Variants in B3GLCT observed in about 807,000 individuals in gnomAD.
The protein encoded by B3GLCT is beta 3-glucosyltransferase, also known as beta-1,3-glucosyltransferase.
A neutral mutation model predicts 63.4 loss-of-function variants in B3GLCT; 65 were observed. The observed-to-expected ratio is 1.03, with a 90% confidence interval of 0.84 to 1.26. The LOEUF is 1.26. Ranked by LOEUF, B3GLCT falls within the 50% of genes most tolerant of loss-of-function variation. The pLI is 0.00. For missense variants in B3GLCT, 577 were observed against 604.8 expected, an observed-to-expected ratio of 0.95 and a Z score of 0.48; for synonymous variants, 233 against 219.2, an observed-to-expected ratio of 1.06 and a Z score of -0.55.
At chr13:31,241,831 ACT>A (rs1221996759) in intron 4 of B3GLCT, among the ~76,000 whole-genome samples, 2 of 152,128 alleles carry the variant, frequency 1.3e-5, no homozygotes, top group South Asian at 4.2e-4. Flanking sequence ...AGGATGAGCT[ACT>A]CTCAGCTAAG....
At chr13:31,287,961 A>T (rs1043170576) in intron 12 of B3GLCT, among the ~76,000 whole-genome samples, 52 of 152,248 alleles carry the variant, frequency 3.4e-4, no homozygotes, top group African/African-American at 1.2e-3. Flanking sequence ...AAACACAAAG[A>T]TAAAAAATAA....
chr13:31,229,127 G>T, intron 3 of B3GLCT, 58 bp from the exon 4 acceptor site: 1 of 1,153,880 alleles, frequency 8.7e-7, no homozygotes, highest in Non-Finnish European at 1.3e-6. Flanking sequence ...TTGTTTTCAA[G>T]TTTATTTTAA....
chr13:31,215,101 G>T lies in B3GLCT; in HGVS notation c.120+1G>T. The T allele has an allele frequency of 6.2e-7, 1 of 1,610,460 alleles. No homozygotes were observed. ...AAAGAAAGAGGTCAAGCAGTCTCAG[G>T]TACTAATCCCAATGATCAAATCTTT... is the stretch of plus-strand genomic sequence containing the variant. On this transcript the variant is annotated splice_donor_variant, in intron 2 of 14. Coordinates refer to ENST00000343307, the MANE Select transcript of B3GLCT (RefSeq NM_194318.4). LOFTEE classifies it high-confidence loss of function.
intron 12 of B3GLCT, among the ~76,000 whole-genome samples, chr13:31,302,073 C>T (rs1024192309): frequency 1.3e-5 from 2 of 152,136 alleles, no homozygotes; most frequent in African/African-American, 2.4e-5. Flanking sequence ...TTTGACTCTC[C>T]CCTCTCCCCT....
intron 3 of B3GLCT, among the ~76,000 whole-genome samples, chr13:31,223,622 CT>C (rs1409633086): frequency 6.6e-6 from 1 of 152,162 alleles, no homozygotes; most frequent in Non-Finnish European, 1.5e-5. Context: ...AGGAGTTAGA[CT>C]TTAAAAAAAA....
intron 6 of B3GLCT, among the ~76,000 whole-genome samples, chr13:31,254,920 CCAGCTA>C (rs1395012806): frequency 6.6e-6 from 1 of 151,802 alleles, no homozygotes; most frequent in African/African-American, 2.4e-5. Context: ...GCCCATAATC[CCAGCTA>C]CTCGGGAGGC....
At chr13:31,259,122 G>A (rs1566067140) in intron 6 of B3GLCT, among the ~76,000 whole-genome samples, 1 of 152,092 alleles carries the variant, frequency 6.6e-6, no homozygotes, top group Non-Finnish European at 1.5e-5. Context: ...TTTATAAATT[G>A]TAGTTCTTTG....
At chr13:31,314,453 G>A (rs1227743339) in intron 12 of B3GLCT, among the ~76,000 whole-genome samples, 3 of 152,194 alleles carry the variant, frequency 2.0e-5, no homozygotes, top group Non-Finnish European at 4.4e-5. Flanking sequence ...GGAGTCAAAG[G>A]AGATCCTTTT....
At position 31,331,686 on chromosome 13, in the gene B3GLCT, A is replaced by C. The variant is rs915137488; in HGVS notation, c.*2018A>C. 3 of 152,234 alleles carry C rather than the reference A, an allele frequency of 2.0e-5. No individual in the cohort carries two copies. The highest frequency in any genetic ancestry group is 7.2e-5 in the African/African-American group (3 of 41,466). 9.4% of individuals were successfully genotyped at this position (152,234 alleles called of 1,614,324 possible). ...GCTACCCTTTTAAGAGAAAACCATC[A>C]GAAATTGATAATGTTTATATAAAGT... On this transcript the variant is annotated 3_prime_UTR_variant, in exon 15 of 15. Coordinates refer to ENST00000343307, the MANE Select transcript of B3GLCT (RefSeq NM_194318.4).
At chr13:31,208,904 G>T (rs886553265) in intron 1 of B3GLCT, among the ~76,000 whole-genome samples, 1 of 151,716 alleles carries the variant, frequency 6.6e-6, no homozygotes, top group Non-Finnish European at 1.5e-5. Context: ...CCAGCCACCC[G>T]TCCCCACAGG....
intron 7 of B3GLCT, among the ~76,000 whole-genome samples, chr13:31,261,565 CT>C (rs1340961682): frequency 6.6e-6 from 1 of 152,178 alleles, no homozygotes; most frequent in Non-Finnish European, 1.5e-5. Flanking sequence ...GTCGTCATAC[CT>C]AGCTATTTGT....
intron 4 of B3GLCT, 52 bp downstream of exon 4, chr13:31,229,346 T>G: frequency 9.1e-7 from 1 of 1,095,026 alleles, no homozygotes; most frequent in Non-Finnish European, 1.4e-6. Flanking sequence ...TTGATTACCT[T>G]GATGTTTTCC....
At chr13:31,225,467 A>C (rs1870048285) in intron 3 of B3GLCT, among the ~76,000 whole-genome samples, 1 of 152,190 alleles carries the variant, frequency 6.6e-6, no homozygotes, top group Admixed American at 6.5e-5. Context: ...TACTGCTATA[A>C]AGAACAGCAG....
chr13:31,270,321 A>G (rs1020470711), intron 8 of B3GLCT, among the ~76,000 whole-genome samples: 2 of 152,228 alleles, frequency 1.3e-5, no homozygotes, highest in Non-Finnish European at 2.9e-5. Context: ...GAAGGCACAC[A>G]CAAGACTTTC....
intron 10 of B3GLCT, among the ~76,000 whole-genome samples, chr13:31,280,849 A>G (rs1197840816): frequency 6.6e-6 from 1 of 152,238 alleles, no homozygotes; most frequent in Non-Finnish European, 1.5e-5. Context: ...ATACATATTG[A>G]CATCATTGAA....
intron 1 of B3GLCT, among the ~76,000 whole-genome samples, chr13:31,213,961 T>C (rs909628075): frequency 1.7e-4 from 26 of 152,102 alleles, no homozygotes; most frequent in Admixed American, 1.4e-3. Flanking sequence ...TGCTTCTTAG[T>C]GTGAAGATGT....
chr13:31,229,549 C>G (rs892659945), intron 4 of B3GLCT, among the ~76,000 whole-genome samples: 10 of 152,084 alleles, frequency 6.6e-5, no homozygotes, highest in African/African-American at 2.2e-4. Context: ...CATTGGAGAC[C>G]AGCCTGGCCA....
chr13:31,312,054 A>G (rs1166575095), intron 12 of B3GLCT, among the ~76,000 whole-genome samples: 2 of 152,188 alleles, frequency 1.3e-5, no homozygotes, highest in African/African-American at 4.8e-5. Context: ...TGCAAGGAAA[A>G]GACTTTGATG....
intron 6 of B3GLCT, among the ~76,000 whole-genome samples, chr13:31,258,111 A>C (rs900096225): frequency 6.6e-6 from 1 of 152,238 alleles, no homozygotes; most frequent in African/African-American, 2.4e-5. Flanking sequence ...CTCATTCATC[A>C]GGTCACATTT....
Sources: gnomAD v4.1 joint callset for allele counts (sites outside exome capture counted in the v4.1 genomes callset) on GRCh38, gnomAD v4.1.1 for gene constraint, MANE v1.5 for transcripts, NCBI Gene and HGNC (gene_info 2026-07-23, HGNC 2026-07-21) for gene names.